The following SGCZ variants were observed in gnomAD, a reference collection of about 807,000 sequenced individuals.
The protein encoded by SGCZ is sarcoglycan zeta.
In SGCZ, 40 loss-of-function variants were observed where a neutral mutation model predicts 41.3. That is an observed-to-expected ratio of 0.97 (90% CI 0.75 to 1.26). The LOEUF (loss-of-function observed/expected upper bound fraction) is 1.26. Among genes scored for constraint, SGCZ ranks in the 50% most tolerant of loss-of-function variants. SGCZ has a pLI of 0.00. For missense variants in SGCZ, 552 were observed against 369.8 expected, an observed-to-expected ratio of 1.49 and a Z score of -4.04; for synonymous variants, 206 against 137.5, an observed-to-expected ratio of 1.50 and a Z score of -3.49.
At chr8:15,044,243 G>A (rs73205421) in intron 1 of SGCZ, among the ~76,000 whole-genome samples, 4,253 of 152,188 alleles carry the variant, frequency 0.028, 92 homozygotes, top group South Asian at 0.067. Context: ...CTTGCCACAT[G>A]TCCATTTGAC....
intron 4 of SGCZ, among the ~76,000 whole-genome samples, chr8:14,208,300 G>C (rs1045076452): frequency 1.3e-5 from 2 of 152,158 alleles, no homozygotes; most frequent in African/African-American, 4.8e-5. Flanking sequence ...GTGTTTATCA[G>C]TTAGTTGAAA....
chr8:14,802,335 CATAA>C (rs1425085316), intron 1 of SGCZ, among the ~76,000 whole-genome samples: 2 of 152,160 alleles, frequency 1.3e-5, no homozygotes, highest in African/African-American at 4.8e-5. Context: ...ATAAATAAAA[CATAA>C]ATAAAAATGT....
At chr8:14,775,608 T>G (rs1464767812) in intron 1 of SGCZ, among the ~76,000 whole-genome samples, 1 of 152,106 alleles carries the variant, frequency 6.6e-6, no homozygotes, top group Non-Finnish European at 1.5e-5. Flanking sequence ...AACTTAACCA[T>G]ATAACACAGT....
chr8:14,573,104 T>C (rs906262742), intron 1 of SGCZ, among the ~76,000 whole-genome samples: 1 of 151,996 alleles, frequency 6.6e-6, no homozygotes, highest in African/African-American at 2.4e-5. Context: ...ATGTGGCAAG[T>C]GTAACCACTT....
At chr8:14,673,641 G>C (rs1476320256) in intron 1 of SGCZ, among the ~76,000 whole-genome samples, 1 of 152,082 alleles carries the variant, frequency 6.6e-6, no homozygotes, top group African/African-American at 2.4e-5. Context: ...TGTGAAAATG[G>C]ACTAATACAA....
intron 2 of SGCZ, among the ~76,000 whole-genome samples, chr8:14,459,436 TA>T (rs995270839): frequency 5.3e-5 from 8 of 151,002 alleles, no homozygotes; most frequent in East Asian, 1.9e-4. Context: ...AAATAAAAAA[TA>T]AAAAAAGAAG....
At chr8:14,359,264 G>A (rs570069842) in intron 2 of SGCZ, among the ~76,000 whole-genome samples, 1 of 152,180 alleles carries the variant, frequency 6.6e-6, no homozygotes, top group East Asian at 1.9e-4. Flanking sequence ...ATACAAAGGA[G>A]CTCCAGTATG....
chr8:14,343,564 T>G (rs1181746171), intron 2 of SGCZ, among the ~76,000 whole-genome samples: 2 of 152,196 alleles, frequency 1.3e-5, no homozygotes, highest in African/African-American at 4.8e-5. Flanking sequence ...CAAGAAAATG[T>G]TCAGAAATAG....
chr8:14,601,099 C>T (rs909504658), intron 1 of SGCZ, among the ~76,000 whole-genome samples: 2 of 150,852 alleles, frequency 1.3e-5, no homozygotes, highest in African/African-American at 4.9e-5. Context: ...TAAAATTGAT[C>T]ATACTGTATA....
chr8:14,746,192 G>A (rs1799336478), intron 1 of SGCZ, among the ~76,000 whole-genome samples: 1 of 151,962 alleles, frequency 6.6e-6, no homozygotes, highest in South Asian at 2.1e-4. Flanking sequence ...CAAACGTAGA[G>A]ATTTAAAAAA....
chr8:14,433,167 T>A (rs1427583317), intron 2 of SGCZ, among the ~76,000 whole-genome samples: 1 of 152,120 alleles, frequency 6.6e-6, no homozygotes, highest in Non-Finnish European at 1.5e-5. Flanking sequence ...GCAACAAAAA[T>A]ATTAACATTT....
At chr8:14,855,961 G>C (rs780502031) in intron 1 of SGCZ, among the ~76,000 whole-genome samples, 11 of 152,124 alleles carry the variant, frequency 7.2e-5, no homozygotes, top group Admixed American at 1.3e-4. Flanking sequence ...ATTTTCCAGT[G>C]ATAACAAACA....
chr8:14,768,011 C>T (rs1465605871), intron 1 of SGCZ, among the ~76,000 whole-genome samples: 1 of 152,196 alleles, frequency 6.6e-6, no homozygotes, highest in African/African-American at 2.4e-5. Flanking sequence ...GCCGAGTAGC[C>T]TTCTCACACA....
At position 14,702,785 on chromosome 8, in the gene SGCZ, A is replaced by G. The variant is rs1430262051; in HGVS notation, c.40-147859T>C. On this transcript the variant is annotated intron_variant, in intron 1 of 7. Coordinates refer to ENST00000382080, the MANE Select transcript of SGCZ (RefSeq NM_139167.4). ...GATAGATAGATAGATAGATAGACAG[A>G]CAGACAGGCAGACAGGTAGGTAGTT... Among the ~76,000 whole-genome samples, 440 of 144,736 alleles carry G rather than the reference A, an allele frequency of 3.0e-3. 4 individuals are homozygous for G. Among genetic ancestry groups the G allele is most frequent in the African/African-American group, 0.01 (406 of 40,232 alleles). 95.0% of individuals were successfully genotyped at this position (144,736 alleles called of 152,430 possible).
intron 2 of SGCZ, among the ~76,000 whole-genome samples, chr8:14,326,403 A>G (rs1032209886): frequency 2.6e-5 from 4 of 152,124 alleles, no homozygotes; most frequent in African/African-American, 9.7e-5. Context: ...AATTTTGAAG[A>G]GAGAAAAAAA....
chr8:14,213,867 C>T (rs187340992), intron 4 of SGCZ, among the ~76,000 whole-genome samples: 44 of 152,122 alleles, frequency 2.9e-4, no homozygotes, highest in African/African-American at 7.7e-4. Flanking sequence ...TTGTGAAAAA[C>T]GTAATATATG....
chr8:15,185,406 C>G (rs1167248341), intron 1 of SGCZ, among the ~76,000 whole-genome samples: 3 of 152,102 alleles, frequency 2.0e-5, no homozygotes, highest in African/African-American at 7.2e-5. Flanking sequence ...AAAAATATAC[C>G]GTGTTCACCA....
At chr8:14,473,338 T>G (rs34537525) in intron 2 of SGCZ, among the ~76,000 whole-genome samples, 3 of 152,054 alleles carry the variant, frequency 2.0e-5, no homozygotes, top group Non-Finnish European at 2.9e-5. Context: ...CTCCTCCATA[T>G]GCTGTTGCAT....
At chr8:15,018,738 TGTA>T (rs1353384386) in intron 1 of SGCZ, among the ~76,000 whole-genome samples, 3 of 152,180 alleles carry the variant, frequency 2.0e-5, no homozygotes, top group Non-Finnish European at 2.9e-5. Flanking sequence ...AAAGGGATGT[TGTA>T]GTAGTCCGTT....
Sources: gnomAD v4.1 joint callset for allele counts (sites outside exome capture counted in the v4.1 genomes callset) on GRCh38, gnomAD v4.1.1 for gene constraint, MANE v1.5 for transcripts, NCBI Gene and HGNC (gene_info 2026-07-23, HGNC 2026-07-21) for gene names.